Variants in KCNQ5 observed in about 807,000 individuals in gnomAD.
KCNQ5 encodes potassium voltage-gated channel subfamily Q member 5, also known as potassium voltage-gated channel subfamily KQT member 5.
A neutral mutation model predicts 98.2 loss-of-function variants in KCNQ5; 30 were observed. The observed-to-expected ratio is 0.31, with a 90% CI of 0.23 to 0.41. The LOEUF (loss-of-function observed/expected upper bound fraction) is 0.41, where lower values mean the gene tolerates loss of function less well. Ranked by LOEUF, KCNQ5 falls within the 10% of genes least tolerant of loss-of-function variation. The pLI is 1.00. For missense variants in KCNQ5, 835 were observed against 1,182.5 expected (o/e 0.71, Z 4.31); for synonymous variants, 458 against 449.4 (o/e 1.02, Z -0.24).
At chr6:72,857,720 A>G (rs191428406) in intron 1 of KCNQ5, among the ~76,000 whole-genome samples, 3 of 152,240 alleles carry the variant, frequency 2.0e-5, no homozygotes, top group Non-Finnish European at 4.4e-5. Flanking sequence ...AATACTGGAA[A>G]TTTTCTCAGT....
At chr6:72,643,237 T>A (rs1765418369) in intron 1 of KCNQ5, among the ~76,000 whole-genome samples, 1 of 152,062 alleles carries the variant, frequency 6.6e-6, no homozygotes, top group Non-Finnish European at 1.5e-5. Flanking sequence ...ATAACAAACC[T>A]GCACATGTAC....
At chr6:72,948,086 A>G (rs1766631597) in intron 1 of KCNQ5, among the ~76,000 whole-genome samples, 1 of 152,100 alleles carries the variant, frequency 6.6e-6, no homozygotes, top group Non-Finnish European at 1.5e-5. Context: ...TTAAAAAGCA[A>G]TTTATCAACT....
chr6:72,915,389 A>G (rs377075535), intron 1 of KCNQ5, among the ~76,000 whole-genome samples: 392 of 152,264 alleles, frequency 2.6e-3, no homozygotes, highest in African/African-American at 8.8e-3. Flanking sequence ...TTAAATAACT[A>G]TTGATTCTTT....
chr6:73,082,183 C>T (rs1288881155), intron 5 of KCNQ5, among the ~76,000 whole-genome samples: 2 of 152,156 alleles, frequency 1.3e-5, no homozygotes, highest in Admixed American at 6.5e-5. Flanking sequence ...GCAGACCATC[C>T]CTGCCCAGAT....
chr6:73,073,283 T>C (rs1441084405), intron 3 of KCNQ5, among the ~76,000 whole-genome samples: 2 of 152,126 alleles, frequency 1.3e-5, no homozygotes, highest in African/African-American at 4.8e-5. Flanking sequence ...AAAGAGAAGG[T>C]TATAATATCA....
chr6:72,653,291 T>C (rs1217479607), intron 1 of KCNQ5, among the ~76,000 whole-genome samples: 1 of 151,906 alleles, frequency 6.6e-6, no homozygotes, highest in Non-Finnish European at 1.5e-5. Context: ...CTTTCCTGAG[T>C]GCTTCAAGTT....
intron 1 of KCNQ5, among the ~76,000 whole-genome samples, chr6:72,792,576 A>AT (rs1370403505): frequency 1.2e-4 from 18 of 152,130 alleles, no homozygotes; most frequent in East Asian, 5.8e-4. Flanking sequence ...TTAATTTAGA[A>AT]TTTTTTTCAA....
chr6:72,811,149 C>T lies in KCNQ5; in HGVS notation c.398+188562C>T, dbSNP rs573915868. 4.6e-5 allele frequency among the ~76,000 whole-genome samples: 7 copies of T among 152,252 alleles called. No homozygotes were observed. In the South Asian group the frequency reaches 1.0e-3, roughly 23 times the overall value. On this transcript the variant is annotated intron_variant, in intron 1 of 13. Coordinates refer to ENST00000370398, the MANE Select transcript of KCNQ5 (RefSeq NM_019842.4). The stretch of plus-strand genomic sequence containing the variant: ...GGGGAGTTGCCAGGGTCAGAGCCTT[C>T]GTGCAAAATAAGCTGCCACTAACTG...
chr6:72,764,227 C>T (rs538294435), intron 1 of KCNQ5, among the ~76,000 whole-genome samples: 1 of 152,016 alleles, frequency 6.6e-6, no homozygotes, highest in South Asian at 2.1e-4. Context: ...AAATTGTACT[C>T]ATTTGGAACA....
chr6:72,830,371 G>A (rs1297057012), intron 1 of KCNQ5, among the ~76,000 whole-genome samples: 1 of 152,080 alleles, frequency 6.6e-6, no homozygotes, highest in Non-Finnish European at 1.5e-5. Flanking sequence ...GCATGGTACT[G>A]GTACCAAAAC....
chr6:72,929,186 T>C (rs1765580664), intron 1 of KCNQ5, among the ~76,000 whole-genome samples: 1 of 152,172 alleles, frequency 6.6e-6, no homozygotes, highest in Admixed American at 6.6e-5. Context: ...ATTTGTAAAA[T>C]GTGGTACTGA....
chr6:72,998,516 A>G (rs539132690), intron 1 of KCNQ5, among the ~76,000 whole-genome samples: 1 of 152,008 alleles, frequency 6.6e-6, no homozygotes, highest in South Asian at 2.1e-4. Flanking sequence ...CGGGCGGATT[A>G]TGAGGTCAGG....
At chr6:72,631,597 C>T (rs1206910078) in intron 1 of KCNQ5, among the ~76,000 whole-genome samples, 1 of 152,178 alleles carries the variant, frequency 6.6e-6, no homozygotes, top group Non-Finnish European at 1.5e-5. Context: ...ATGTGGAATT[C>T]TTCAGTGATG....
intron 1 of KCNQ5, among the ~76,000 whole-genome samples, chr6:72,674,274 T>G (rs1403311915): frequency 6.6e-6 from 1 of 151,688 alleles, no homozygotes; most frequent in Non-Finnish European, 1.5e-5. Flanking sequence ...ATACTTAGAG[T>G]TAAATTTCTT....
chr6:73,062,321 C>T (rs1169588877), intron 3 of KCNQ5, among the ~76,000 whole-genome samples: 1 of 152,166 alleles, frequency 6.6e-6, no homozygotes, highest in East Asian at 1.9e-4. Context: ...CTCGATTCAG[C>T]GTCTTCTATG....
intron 1 of KCNQ5, among the ~76,000 whole-genome samples, chr6:72,958,147 G>A (rs545056799): frequency 6.6e-6 from 1 of 152,138 alleles, no homozygotes; most frequent in South Asian, 2.1e-4. Flanking sequence ...TACATGGAAA[G>A]GGTTCCCTTA....
At chr6:72,822,922 T>A (rs572474392) in intron 1 of KCNQ5, among the ~76,000 whole-genome samples, 5 of 152,312 alleles carry the variant, frequency 3.3e-5, no homozygotes, top group Admixed American at 6.5e-5. Flanking sequence ...TGACCCCATG[T>A]CACTTAGATC....
chr6:72,717,264 T>G (rs1769693403), intron 1 of KCNQ5, among the ~76,000 whole-genome samples: 1 of 152,236 alleles, frequency 6.6e-6, no homozygotes, highest in Admixed American at 6.5e-5. Context: ...CAATCAACAG[T>G]AAGTTATTGT....
chr6:73,063,660 A>AGAT (rs1233893696), intron 3 of KCNQ5, among the ~76,000 whole-genome samples: 5 of 76,318 alleles, frequency 6.6e-5, no homozygotes, highest in South Asian at 9.2e-4. Context: ...GATGATAGAT[A>AGAT]GATAGATGAT....
Sources: allele counts gnomAD v4.1 joint callset (sites outside exome capture counted in the v4.1 genomes callset), GRCh38; gene constraint gnomAD v4.1.1; transcripts MANE v1.5; gene names NCBI Gene and HGNC (gene_info 2026-07-23, HGNC 2026-07-21).